PDE4D: variants seen among roughly 807,000 people sequenced by gnomAD.
PDE4D encodes the protein 3',5'-cyclic-AMP phosphodiesterase 4D.
A neutral mutation model predicts 87.4 loss-of-function variants in PDE4D; 24 were observed. The ratio of observed to expected loss-of-function variants is 0.27; its 90% confidence interval spans 0.20 to 0.39. The LOEUF (loss-of-function observed/expected upper bound fraction) is 0.39, where lower values mean the gene tolerates loss of function less well. Ranked by LOEUF, PDE4D falls within the 10% of genes least tolerant of loss-of-function variation. The pLI is 1.00. For synonymous variants in PDE4D, 384 were observed against 383.2 expected, an observed-to-expected ratio of 1.00 and a Z score of -0.02; for missense variants, 714 against 1,041.0, an observed-to-expected ratio of 0.69 and a Z score of 4.32.
chr5:59,650,008 T>C (rs1052655579), intron 1 of PDE4D, among the ~76,000 whole-genome samples: 9 of 145,090 alleles, frequency 6.2e-5, no homozygotes, highest in African/African-American at 2.3e-4. Flanking sequence ...GAAAAGACCA[T>C]CAGTTCTTAA....
intron 1 of PDE4D, among the ~76,000 whole-genome samples, chr5:60,412,184 C>T (rs886679725): frequency 6.6e-6 from 1 of 152,076 alleles, no homozygotes; most frequent in African/African-American, 2.4e-5. Flanking sequence ...TTCAAAAGAA[C>T]ACTAGGAAAA....
intron 1 of PDE4D, among the ~76,000 whole-genome samples, chr5:59,375,297 T>C (rs1199429043): frequency 6.6e-6 from 1 of 151,950 alleles, no homozygotes; most frequent in African/African-American, 2.4e-5. Flanking sequence ...CCAGCTAGAT[T>C]AATAAAGAAG....
chr5:59,085,392 A>C (rs1043327258), intron 5 of PDE4D, among the ~76,000 whole-genome samples: 4 of 152,270 alleles, frequency 2.6e-5, no homozygotes, highest in Middle Eastern at 3.4e-3. Flanking sequence ...CAGAAAAATT[A>C]TCTCTCAATG....
chr5:60,459,368 T>A (rs1746742082), intron 1 of PDE4D, among the ~76,000 whole-genome samples: 1 of 152,184 alleles, frequency 6.6e-6, no homozygotes, highest in Non-Finnish European at 1.5e-5. Flanking sequence ...TGACCTTCTA[T>A]AATCCCATTT....
intron 1 of PDE4D, among the ~76,000 whole-genome samples, chr5:59,655,047 A>G (rs1411515594): frequency 6.6e-6 from 1 of 152,076 alleles, no homozygotes; most frequent in Non-Finnish European, 1.5e-5. Context: ...TCTTTTGGGT[A>G]TATACCTAGA....
At chr5:59,611,672 A>G (rs1245748605) in intron 1 of PDE4D, among the ~76,000 whole-genome samples, 1 of 152,154 alleles carries the variant, frequency 6.6e-6, no homozygotes, top group Non-Finnish European at 1.5e-5. Context: ...GATTGATCAA[A>G]TCAGGATAGA....
chr5:59,154,328 T>G (rs181550353), intron 5 of PDE4D, among the ~76,000 whole-genome samples: 68 of 152,344 alleles, frequency 4.5e-4, no homozygotes, highest in African/African-American at 1.6e-3. Flanking sequence ...TGTGTTTGCA[T>G]GTCTGTGGGT....
rs567551164 is a variant in PDE4D at position 60,322,455 on chromosome 5, C to T, written c.-89-136768G>A. Among the ~76,000 whole-genome samples, 34 of 151,744 alleles carry T rather than the reference C, an allele frequency of 2.2e-4. No homozygotes were observed. In the South Asian group the frequency reaches 4.8e-3, roughly 21 times the overall value. ...TTTCAAACTTTTTCAGCTCTTTTCA[C>T]ACCTTTACCTCTCTTTCTTGTCCCC... On this transcript the variant is annotated intron_variant, in intron 1 of 16. Transcript: ENST00000502484.
At chr5:59,191,556 T>G (rs1744312674) in intron 3 of PDE4D, among the ~76,000 whole-genome samples, 1 of 151,998 alleles carries the variant, frequency 6.6e-6, no homozygotes, top group Non-Finnish European at 1.5e-5. Flanking sequence ...AGATATAGAA[T>G]TATAAGTTTT....
At chr5:59,179,563 C>G in intron 5 of PDE4D, 1 of 360,388 alleles carries the variant, frequency 2.8e-6, no homozygotes, top group South Asian at 2.1e-5. Context: ...CACTTGATGA[C>G]ATTCAGAAAA....
intron 1 of PDE4D, among the ~76,000 whole-genome samples, chr5:59,516,596 G>A (rs1278554445): frequency 2.0e-5 from 3 of 151,878 alleles, no homozygotes; most frequent in Non-Finnish European, 2.9e-5. Context: ...TCTTTTCTTC[G>A]GGAGAAGATA....
intron 1 of PDE4D, among the ~76,000 whole-genome samples, chr5:59,658,320 G>A (rs538735712): frequency 6.6e-6 from 1 of 151,604 alleles, no homozygotes; most frequent in South Asian, 2.1e-4. Flanking sequence ...CTGGGTTGCT[G>A]AATTAAAACC....
chr5:59,654,377 C>T (rs1370138761), intron 1 of PDE4D, among the ~76,000 whole-genome samples: 2 of 152,204 alleles, frequency 1.3e-5, no homozygotes, highest in Non-Finnish European at 2.9e-5. Flanking sequence ...TTACCTGCCC[C>T]TGGTCATTCA....
At chr5:60,465,141 T>A (rs1747250920) in intron 1 of PDE4D, among the ~76,000 whole-genome samples, 1 of 151,840 alleles carries the variant, frequency 6.6e-6, no homozygotes, top group African/African-American at 2.4e-5. Context: ...AATAATTAAA[T>A]AAAAATTTAA....
At chr5:59,414,151 C>T (rs977829624) in intron 1 of PDE4D, among the ~76,000 whole-genome samples, 2 of 152,196 alleles carry the variant, frequency 1.3e-5, no homozygotes, top group Admixed American at 1.3e-4. Context: ...TCCATCTGAA[C>T]CCTCACTGAA....
chr5:59,465,138 A>T (rs986574274), intron 1 of PDE4D, among the ~76,000 whole-genome samples: 12 of 152,258 alleles, frequency 7.9e-5, no homozygotes, highest in African/African-American at 2.9e-4. Flanking sequence ...GCCTCATCTC[A>T]AGTTACTGGC....
chr5:59,263,881 T>C (rs1461745096), intron 1 of PDE4D, among the ~76,000 whole-genome samples: 1 of 152,016 alleles, frequency 6.6e-6, no homozygotes, highest in Non-Finnish European at 1.5e-5. Context: ...GGTACTATTT[T>C]TAATCTGGGT....
intron 1 of PDE4D, among the ~76,000 whole-genome samples, chr5:59,533,596 T>C (rs926930179): frequency 6.6e-5 from 10 of 152,236 alleles, no homozygotes; most frequent in African/African-American, 2.2e-4. Flanking sequence ...TCAACAGATA[T>C]GCACACTGTG....
At chr5:59,616,998 T>C (rs1230227948) in intron 1 of PDE4D, among the ~76,000 whole-genome samples, 1 of 141,884 alleles carries the variant, frequency 7.0e-6, no homozygotes, top group East Asian at 2.1e-4. Flanking sequence ...TTTCGTACTT[T>C]TTGTCGTTTT....
Sources: allele counts gnomAD v4.1 joint callset (sites outside exome capture counted in the v4.1 genomes callset), GRCh38; gene constraint gnomAD v4.1.1; transcripts MANE v1.5; gene names NCBI Gene and HGNC (gene_info 2026-07-23, HGNC 2026-07-21).